The following NPHP3 variants were observed in gnomAD, a reference collection of about 807,000 sequenced individuals.
The protein encoded by NPHP3 is nephrocystin 3.
In NPHP3, 123 loss-of-function variants were observed where a neutral mutation model predicts 171.9. The ratio of observed to expected loss-of-function variants is 0.72; its 90% CI spans 0.62 to 0.83. NPHP3 has a LOEUF of 0.83. NPHP3 is among the 40% of genes least tolerant of loss of function. The pLI is 0.00. For missense variants in NPHP3, 1,506 were observed against 1,591.9 expected, an observed-to-expected ratio of 0.95 and a Z score of 0.92; for synonymous variants, 558 against 579.2, an observed-to-expected ratio of 0.96 and a Z score of 0.52.
intron 1 of NPHP3, among the ~76,000 whole-genome samples, chr3:132,720,323 C>T (rs187682268): frequency 3.7e-4 from 56 of 152,210 alleles, no homozygotes; most frequent in Middle Eastern, 3.4e-3. Flanking sequence ...TTTCATGCCT[C>T]GATATGTGAG....
intron 2 of NPHP3, among the ~76,000 whole-genome samples, chr3:132,719,464 G>A (rs1481491685): frequency 1.3e-5 from 2 of 152,038 alleles, no homozygotes; most frequent in Non-Finnish European, 2.9e-5. Flanking sequence ...ATATGGAAAC[G>A]CTTTCCTTTT....
intron 21 of NPHP3, 73 bp from the exon 22 acceptor site, chr3:132,687,299 CTT>C (rs1354180331): frequency 5.6e-6 from 4 of 716,888 alleles, no homozygotes; most frequent in African/African-American, 3.5e-5. Context: ...TGAAAGCACT[CTT>C]TTCATAGTGT....
intron 9 of NPHP3, among the ~76,000 whole-genome samples, chr3:132,703,634 C>A (rs542132067): frequency 6.8e-6 from 1 of 147,184 alleles, no homozygotes; most frequent in African/African-American, 2.5e-5. Flanking sequence ...GGCTGGAGGG[C>A]AGGGGTGTGG....
rs1318121307 is a variant in NPHP3, at chr3:132,680,991, A to G, written c.*919T>C. On this transcript the variant is annotated 3_prime_UTR_variant, in exon 27 of 27. Transcript: ENST00000337331. ...AGATACATATACTATATAGTAATAAATAATACACAATGTAGACAGAACAGA... is the reference window on the plus strand; with the variant it reads ...AGATACATATACTATATAGTAATAAGTAATACACAATGTAGACAGAACAGA... The G allele has an allele frequency of 2.6e-5, 4 of 152,222 alleles. No individual in the cohort carries two copies. Among genetic ancestry groups the G allele is most frequent in the African/African-American group, 9.6e-5 (4 of 41,466 alleles). 9.4% of individuals were successfully genotyped at this position (152,222 alleles called of 1,614,324 possible). A position where few individuals can be genotyped will look rare whatever the true frequency, so the allele number is the denominator to read the frequency against.
At chr3:132,698,172 G>A (rs1443231188) in intron 13 of NPHP3, among the ~76,000 whole-genome samples, 1 of 152,078 alleles carries the variant, frequency 6.6e-6, no homozygotes, top group East Asian at 1.9e-4. Context: ...TAGTAGAGGC[G>A]GGGTTTCACT....
intron 20 of NPHP3, 60 bp from the exon 21 acceptor site, chr3:132,688,951 T>C: frequency 6.2e-7 from 1 of 1,613,152 alleles, no homozygotes; most frequent in Non-Finnish European, 8.5e-7. Flanking sequence ...AGATCTGTCA[T>C]CTGATTAAAT....
At chr3:132,692,298 A>C (rs1282040513) in intron 17 of NPHP3, among the ~76,000 whole-genome samples, 2 of 152,256 alleles carry the variant, frequency 1.3e-5, no homozygotes, top group African/African-American at 4.8e-5. Flanking sequence ...CCCATTGTTA[A>C]GCAATGCATG....
chr3:132,714,647 T>C (rs1560014913), intron 5 of NPHP3, among the ~76,000 whole-genome samples: 3 of 152,090 alleles, frequency 2.0e-5, no homozygotes, highest in Non-Finnish European at 4.4e-5. Flanking sequence ...GAAGATTGCT[T>C]GAGCTCACGA....
At chr3:132,714,922 T>C (rs1167644726) in intron 5 of NPHP3, among the ~76,000 whole-genome samples, 163 bp downstream of exon 5, 1 of 152,198 alleles carries the variant, frequency 6.6e-6, no homozygotes, top group Non-Finnish European at 1.5e-5. Context: ...CATATAATAT[T>C]GAACAATATT....
At chr3:132,712,324 G>A in intron 6 of NPHP3, 1 of 425,546 alleles carries the variant, frequency 2.3e-6, no homozygotes, top group East Asian at 7.2e-5. Flanking sequence ...AGAAAGAAAA[G>A]AATGAAGGTT....
intron 23 of NPHP3, chr3:132,685,048 T>C (rs1939121016): frequency 2.2e-6 from 1 of 455,828 alleles, no homozygotes; most frequent in Admixed American, 3.4e-5. Flanking sequence ...CTGATAGATA[T>C]TTTCCAAAAC....
intron 9 of NPHP3, among the ~76,000 whole-genome samples, chr3:132,703,056 C>T (rs1026676282): frequency 3.9e-5 from 6 of 152,218 alleles, no homozygotes; most frequent in Non-Finnish European, 8.8e-5. Flanking sequence ...AATAGCAATA[C>T]TTCTCATAAA....
At chr3:132,710,239 G>A (rs1939872440) in intron 6 of NPHP3, among the ~76,000 whole-genome samples, 1 of 151,876 alleles carries the variant, frequency 6.6e-6, no homozygotes, top group African/African-American at 2.4e-5. Flanking sequence ...TGGGGCTGGA[G>A]GAGTTAAAAC....
In NPHP3 at chr3:132,695,021, T is replaced by G. The variant is rs1939410263; in HGVS notation, c.2172-56A>C. ...TACAGATTGCCAACATCTGTGAAAA[T>G]TTTGAGATCGATTAAAAACAACGTG... On this transcript the variant is annotated intron_variant, in intron 15 of 26. Coordinates refer to ENST00000337331, the MANE Select transcript of NPHP3 (RefSeq NM_153240.5). 4 of 1,575,392 alleles carry G rather than the reference T, an allele frequency of 2.5e-6. No homozygotes were observed. In the East Asian group the frequency reaches 9.0e-5, roughly 35 times the overall value.
intron 13 of NPHP3, among the ~76,000 whole-genome samples, chr3:132,698,592 A>C (rs1376438965): frequency 1.3e-5 from 2 of 151,908 alleles, no homozygotes; most frequent in African/African-American, 4.8e-5. Flanking sequence ...ACTACTTTTT[A>C]AAGAACCATT....
rs776245475 is a variant in NPHP3, at chr3:132,684,688, T to C, written c.3436A>G (p.Asn1146Asp). Reference sequence around the variant, plus strand: ...GCTTTATCATACTGTTTCTTTTCATTGCATAGAGCTGCCAGATTATTCAAA... The same window carrying C: ...GCTTTATCATACTGTTTCTTTTCATCGCATAGAGCTGCCAGATTATTCAAA... ...QSLNNLAALC[N>D]EKKQYDKAEE... The change falls in exon 24 of 27, where the codon AAT becomes GAT. Residue 1146 changes from asparagine to aspartate, a missense_variant. Asn to Asp is a conservative substitution (Grantham distance 23, BLOSUM62 1). This residue lies in a region of NPHP3 where 569 missense variants were observed against 648.1 expected (regional missense o/e 0.88). Coordinates refer to ENST00000337331, the MANE Select transcript of NPHP3 (RefSeq NM_153240.5). 9.3e-6 allele frequency: 15 copies of C among 1,614,096 alleles called. No homozygotes were observed. Among genetic ancestry groups the C allele is most frequent in the Non-Finnish European group, 1.2e-5 (14 of 1,179,996 alleles).
intron 6 of NPHP3, among the ~76,000 whole-genome samples, chr3:132,712,799 G>T (rs928862998): frequency 2.0e-5 from 3 of 151,618 alleles, no homozygotes; most frequent in African/African-American, 7.3e-5. Context: ...ATATATATAT[G>T]AATGAATGAA....
intron 6 of NPHP3, among the ~76,000 whole-genome samples, chr3:132,708,673 C>T (rs934082779): frequency 6.6e-6 from 1 of 152,066 alleles, no homozygotes; most frequent in African/African-American, 2.4e-5. Flanking sequence ...GGAGGTCATG[C>T]GTGGGTAGGT....
At chr3:132,708,041 C>T (rs1332186003) in intron 7 of NPHP3, 60 bp downstream of exon 7, 49 of 1,539,268 alleles carry the variant, frequency 3.2e-5, no homozygotes, top group Non-Finnish European at 4.3e-5. Flanking sequence ...CACCTCATGG[C>T]CTTTGCTCCA....
Sources: allele counts gnomAD v4.1 joint callset (sites outside exome capture counted in the v4.1 genomes callset), GRCh38; gene constraint gnomAD v4.1.1; regional missense constraint gnomAD v4.1.1; transcripts MANE v1.5; gene names NCBI Gene and HGNC (gene_info 2026-07-23, HGNC 2026-07-21).